ADD3: variants seen among roughly 807,000 people sequenced by gnomAD.
ADD3 encodes adducin 3, also known as gamma-adducin.
ADD3 carries 25 observed loss-of-function variants against 80.2 expected under a neutral mutation model. That is an observed-to-expected ratio of 0.31 (90% CI 0.23 to 0.44). The LOEUF is 0.44. Ranked by LOEUF, ADD3 falls within the 20% of genes least tolerant of loss-of-function variation. ADD3 has a pLI of 1.00. For missense variants in ADD3, 829 were observed against 847.5 expected, an observed-to-expected ratio of 0.98 and a Z score of 0.27; for synonymous variants, 284 against 289.6, an observed-to-expected ratio of 0.98 and a Z score of 0.20.
At chr10:110,097,575 G>GT (rs2133923445) in intron 1 of ADD3, among the ~76,000 whole-genome samples, 1 of 152,146 alleles carries the variant, frequency 6.6e-6, no homozygotes, top group African/African-American at 2.4e-5. Flanking sequence ...GTAATTATCA[G>GT]TTTCAGGAAA....
chr10:110,054,439 C>CTTTTT (rs36097209), intron 1 of ADD3, among the ~76,000 whole-genome samples: 2 of 80,854 alleles, frequency 2.5e-5, no homozygotes, highest in Non-Finnish European at 2.7e-5. Context: ...CCAGTTTTCT[C>CTTTTT]TTTTTTTTTT....
At chr10:110,036,926 A>G (rs1450163323) in intron 1 of ADD3, among the ~76,000 whole-genome samples, 1 of 152,154 alleles carries the variant, frequency 6.6e-6, no homozygotes, top group African/African-American at 2.4e-5. Flanking sequence ...TTTAGCCACA[A>G]AAAATACAGC....
intron 1 of ADD3, among the ~76,000 whole-genome samples, chr10:110,039,043 T>G (rs1855988079): frequency 6.6e-6 from 1 of 152,160 alleles, no homozygotes. Flanking sequence ...TGTTGGCAGA[T>G]TTGTGGTGAT....
rs1459182551 is a variant in ADD3, at chr10:110,063,752, T to TATA, written c.-29-36872_-29-36870dup. ...TATATATTCATTATATATATATATA[T>TATA]ATATATATATATATATATATATATA... On this transcript the variant is annotated intron_variant, in intron 1 of 14. Coordinates refer to ENST00000356080, the MANE Select transcript of ADD3 (RefSeq NM_016824.5). Among the ~76,000 whole-genome samples the TATA allele has an allele frequency of 3.9e-3, 201 of 51,970 alleles. 3 individuals are homozygous for TATA. Among genetic ancestry groups the TATA allele is most frequent in the African/African-American group, 0.011 (188 of 16,390 alleles). The allele number at this position is 51,970 out of a possible 152,430, so 34.1% of individuals were successfully genotyped here.
At chr10:110,016,980 AC>A (rs1853080036) in intron 1 of ADD3, among the ~76,000 whole-genome samples, 1 of 152,166 alleles carries the variant, frequency 6.6e-6, no homozygotes, top group Non-Finnish European at 1.5e-5. Context: ...CTTGATTGTT[AC>A]ATATTTATAT....
chr10:110,055,436 TAAAA>T (rs566227955), intron 1 of ADD3, among the ~76,000 whole-genome samples: 77 of 152,272 alleles, frequency 5.1e-4, no homozygotes, highest in African/African-American at 1.7e-3. Flanking sequence ...TGGCAGTTGA[TAAAA>T]AAATATGGGT....
At chr10:110,000,079 G>A (rs1392562440) in intron 1 of ADD3, among the ~76,000 whole-genome samples, 2 of 151,918 alleles carry the variant, frequency 1.3e-5, no homozygotes, top group African/African-American at 4.8e-5. Flanking sequence ...ACCATCATGC[G>A]CAGCTAATTT....
intron 1 of ADD3, among the ~76,000 whole-genome samples, chr10:110,031,951 C>G (rs998179598): frequency 4.6e-5 from 7 of 151,348 alleles, no homozygotes; most frequent in African/African-American, 1.7e-4. Context: ...CTCTTAGCAA[C>G]TTCAAAGAGA....
upstream of ADD3, chr10:110,007,979 C>T (rs1469765423): frequency 6.6e-6 from 1 of 152,174 alleles, no homozygotes; most frequent in African/African-American, 2.4e-5. Flanking sequence ...TCGGCTAGTC[C>T]CGCCAGAGCG....
chr10:109,997,013 G>A (rs1851393778), intron 1 of ADD3, among the ~76,000 whole-genome samples: 1 of 152,196 alleles, frequency 6.6e-6, no homozygotes, highest in Admixed American at 6.5e-5. Flanking sequence ...CTATGCCATA[G>A]ATTATATTTC....
intron 11 of ADD3, 106 bp from the exon 12 acceptor site, chr10:110,126,311 T>C: frequency 1.2e-6 from 1 of 818,082 alleles, no homozygotes; most frequent in South Asian, 1.6e-5. Flanking sequence ...TTGAAGAGAC[T>C]CTCACTCTGG....
intron 1 of ADD3, among the ~76,000 whole-genome samples, chr10:110,072,479 T>C (rs934944810): frequency 2.0e-5 from 3 of 152,154 alleles, no homozygotes; most frequent in Non-Finnish European, 4.4e-5. Flanking sequence ...AACAGACAGT[T>C]AGTGTAAGGA....
intron 1 of ADD3, among the ~76,000 whole-genome samples, chr10:110,011,569 A>C (rs1347019429): frequency 6.6e-6 from 1 of 152,210 alleles, no homozygotes; most frequent in Non-Finnish European, 1.5e-5. Flanking sequence ...CTCACACTAA[A>C]CACTGTTTTT....
intron 1 of ADD3, among the ~76,000 whole-genome samples, chr10:110,040,942 C>G (rs2133291124): frequency 2.1e-5 from 2 of 96,642 alleles, no homozygotes; most frequent in East Asian, 3.4e-4. Context: ...CTCTCTCTCT[C>G]TCGCTCTCTC....
chr10:110,012,469 T>C (rs1403886280), intron 1 of ADD3, among the ~76,000 whole-genome samples: 1 of 152,208 alleles, frequency 6.6e-6, no homozygotes, highest in Non-Finnish European at 1.5e-5. Flanking sequence ...GCGTTAACAA[T>C]TCCTTTCAGG....
intron 2 of ADD3, among the ~76,000 whole-genome samples, chr10:110,108,928 A>G (rs1338931839): frequency 6.6e-6 from 1 of 152,134 alleles, no homozygotes; most frequent in African/African-American, 2.4e-5. Context: ...TTTAAAGGAG[A>G]CATTCGTATT....
At chr10:110,021,440 A>G (rs1853659200) in intron 1 of ADD3, among the ~76,000 whole-genome samples, 1 of 152,246 alleles carries the variant, frequency 6.6e-6, no homozygotes, top group Non-Finnish European at 1.5e-5. Context: ...ATTATTCATA[A>G]TAGCCCAAAA....
At chr10:110,003,343 A>T (rs186980037), upstream of ADD3, among the ~76,000 whole-genome samples, 30 of 123,038 alleles carry the variant, frequency 2.4e-4, no homozygotes, top group African/African-American at 1.0e-3. Context: ...ATGGAGAAAG[A>T]GGAAGAGAGA....
chr10:110,008,932 G>C (rs1367265278), intron 1 of ADD3, among the ~76,000 whole-genome samples: 1 of 152,156 alleles, frequency 6.6e-6, no homozygotes, highest in Non-Finnish European at 1.5e-5. Flanking sequence ...AAGCGAAGTT[G>C]GCAGCAGGTC....
Sources: gnomAD v4.1 joint callset for allele counts (sites outside exome capture counted in the v4.1 genomes callset) on GRCh38, gnomAD v4.1.1 for gene constraint, MANE v1.5 for transcripts, NCBI Gene and HGNC (gene_info 2026-07-23, HGNC 2026-07-21) for gene names.